SLC4A4: variants seen among roughly 807,000 people sequenced by gnomAD.
The protein encoded by SLC4A4 is solute carrier family 4 member 4.
A neutral mutation model predicts 111.5 loss-of-function variants in SLC4A4; 27 were observed. The ratio of observed to expected loss-of-function variants is 0.24; its 90% CI spans 0.18 to 0.33. The LOEUF is 0.33. Among genes scored for constraint, SLC4A4 ranks in the 10% least tolerant of loss-of-function variants. The pLI, the probability that SLC4A4 is intolerant of heterozygous loss-of-function variation, is 1.00. For synonymous variants in SLC4A4, 443 were observed against 463.4 expected, an observed-to-expected ratio of 0.96 and a Z score of 0.57; for missense variants, 909 against 1,315.5, an observed-to-expected ratio of 0.69 and a Z score of 4.78.
intron 7 of SLC4A4, among the ~76,000 whole-genome samples, chr4:71,427,902 A>G (rs1274894195): frequency 1.3e-5 from 2 of 152,168 alleles, no homozygotes; most frequent in East Asian, 3.8e-4. Flanking sequence ...GAGTAAACTT[A>G]TCTAACCAGC....
At chr4:71,292,847 T>G (rs1017508861) in intron 3 of SLC4A4, among the ~76,000 whole-genome samples, 9 of 143,094 alleles carry the variant, frequency 6.3e-5, no homozygotes, top group Non-Finnish European at 1.4e-4. Context: ...TTTTTGTTTT[T>G]TTTTTTTTTT....
At chr4:71,201,399 A>G (rs1350932320) in intron 1 of SLC4A4, among the ~76,000 whole-genome samples, 1 of 152,182 alleles carries the variant, frequency 6.6e-6, no homozygotes, top group African/African-American at 2.4e-5. Flanking sequence ...GGTAATTTCT[A>G]GAACAAGGTT....
intron 16 of SLC4A4, among the ~76,000 whole-genome samples, chr4:71,503,339 T>A (rs1731116066): frequency 6.6e-6 from 1 of 151,902 alleles, no homozygotes; most frequent in Admixed American, 6.6e-5. Flanking sequence ...AAGGACTTAC[T>A]CCTATCATTT....
rs146953145 is a variant in SLC4A4 at position 71,207,020 on chromosome 4, A to C, written c.-2+19619A>C. Among the ~76,000 whole-genome samples, 40 of 152,244 alleles carry C rather than the reference A, an allele frequency of 2.6e-4. 1 individual carries two copies. The East Asian group carries it at 7.1e-3, about 27-fold the overall frequency. ...ACATCCATGTGCTCCTCTTCTGTAA[A>C]ATAAGCATAATGGTACTAGTAATCT... On this transcript the variant is annotated intron_variant, in intron 1 of 25. Transcript: ENST00000264485.
intron 2 of SLC4A4, among the ~76,000 whole-genome samples, chr4:71,133,977 C>T (rs906833441): frequency 6.6e-6 from 1 of 152,148 alleles, no homozygotes; most frequent in Admixed American, 6.5e-5. Flanking sequence ...TAGGCCTTTA[C>T]TATGCTCCTG....
chr4:71,453,725 C>A, intron 12 of SLC4A4, 56 bp downstream of exon 12: 2 of 1,514,152 alleles, frequency 1.3e-6, no homozygotes, highest in Non-Finnish European at 1.8e-6. Flanking sequence ...CCTTCCTCAC[C>A]CCTACAGCTC....
chr4:71,154,163 A>C (rs766062704), intron 2 of SLC4A4, among the ~76,000 whole-genome samples: 1 of 152,184 alleles, frequency 6.6e-6, no homozygotes, highest in Non-Finnish European at 1.5e-5. Context: ...GCATTTGTTC[A>C]AGGAGCTTTG....
At position 71,558,863 on chromosome 4, in the gene SLC4A4, TA is replaced by T. The variant is rs540243901; in HGVS notation, c.2937+987del. Among the ~76,000 whole-genome samples, 570 of 151,176 alleles carry T rather than the reference TA, an allele frequency of 3.8e-3. 2 individuals carry two copies. Among genetic ancestry groups the T allele is most frequent in the African/African-American group, 0.013 (555 of 41,312 alleles). On this transcript the variant is annotated intron_variant, in intron 22 of 25. Transcript: ENST00000264485. ...GGCTTATGTCTTTCTTTCCTTTTTT[TA>T]AAAAAAAACTATATTAACTTACTGA...
At chr4:71,411,832 A>G (rs1208702526) in intron 7 of SLC4A4, among the ~76,000 whole-genome samples, 2 of 152,194 alleles carry the variant, frequency 1.3e-5, no homozygotes, top group Admixed American at 6.5e-5. Context: ...TGTGGCATCT[A>G]TAGGGCCTAG....
rs756628863 is a variant in SLC4A4 at position 71,079,964 on chromosome 4, C to T, written c.-64-12766C>T. Among the ~76,000 whole-genome samples, 14 of 151,952 alleles carry T rather than the reference C, an allele frequency of 9.2e-5. 1 individual carries two copies. The highest frequency in any genetic ancestry group is 2.4e-4 in the African/African-American group (10 of 41,284). ...CTGTGTCCCCCACAACAGAGAAATG[C>T]GGGCAAGCAGTTCTCCTGCCCGTGT... On this transcript the variant is annotated intron_variant, in intron 1 of 26. Transcript: ENST00000649996.
At chr4:71,224,231 A>T (rs28544422) in intron 1 of SLC4A4, among the ~76,000 whole-genome samples, 1 of 152,124 alleles carries the variant, frequency 6.6e-6, no homozygotes, top group Non-Finnish European at 1.5e-5. Context: ...CTCACAGCCC[A>T]TCTCATCCAC....
At chr4:71,100,172 A>G (rs1742682762) in intron 2 of SLC4A4, among the ~76,000 whole-genome samples, 3 of 152,148 alleles carry the variant, frequency 2.0e-5, no homozygotes. Flanking sequence ...TCAGACCAAT[A>G]TCCTTGATGA....
chr4:71,244,351 A>G (rs1303555292), intron 2 of SLC4A4, among the ~76,000 whole-genome samples: 1 of 152,166 alleles, frequency 6.6e-6, no homozygotes, highest in Non-Finnish European at 1.5e-5. Flanking sequence ...CCTTCATGCA[A>G]AGTGCAGTGA....
rs1365136336 is a variant in SLC4A4 at position 71,316,720 on chromosome 4, C to T, written c.254-22650C>T. 2.6e-5 allele frequency among the ~76,000 whole-genome samples: 4 copies of T among 152,128 alleles called. No individual in the cohort carries two copies. The East Asian group carries it at 5.8e-4, about 22-fold the overall frequency. ...GATGCTCTCCCTCCCCTCACCTCCACAGTCCCCAGTGTGTGTTGTTTCCTT... is the reference window on the plus strand; with the variant it reads ...GATGCTCTCCCTCCCCTCACCTCCATAGTCCCCAGTGTGTGTTGTTTCCTT... On this transcript the variant is annotated intron_variant, in intron 3 of 25. Coordinates refer to ENST00000264485, the MANE Select transcript of SLC4A4 (RefSeq NM_001098484.3).
chr4:71,534,316 G>A lies in SLC4A4; in HGVS notation c.2370G>A (p.Leu790=). Reference sequence around the variant, plus strand: ...TTGCTGCTGCTATCCCGGCTTTGTTGGTCACTATACTGATTTTCATGGACC... The same window carrying A: ...TTGCTGCTGCTATCCCGGCTTTGTTAGTCACTATACTGATTTTCATGGACC... ...VCLAAAIPAL[L]VTILIFMDQQ... Residue 790 remains leucine, a synonymous_variant, in exon 18 of 26, where the codon TTG becomes TTA. Coordinates refer to ENST00000264485, the MANE Select transcript of SLC4A4 (RefSeq NM_001098484.3). 1.2e-6 allele frequency: 2 copies of A among 1,613,592 alleles called. No homozygotes were observed. The highest frequency in any genetic ancestry group is 1.7e-6 in the Non-Finnish European group (2 of 1,179,752).
rs748686762 is a variant in SLC4A4 at position 71,563,798 on chromosome 4, C to G, written c.3105C>G (p.Asp1035Glu). The G allele has an allele frequency of 6.3e-7, 1 of 1,599,098 alleles. No homozygotes were observed. Among genetic ancestry groups the G allele is most frequent in the Non-Finnish European group, 8.6e-7 (1 of 1,167,066 alleles). ...GSLDSDNDDS[D>E]CPYSEKVPSI... ...CTTGTACATTTTTTTCACAGTCTGA[C>G]TGCCCATACTCAGAAAAAGTTCCAA... Residue 1035 changes from aspartate to glutamate, a missense_variant, in exon 24 of 26, where the codon GAC (aspartate) becomes GAG (glutamate). Asp to Glu is a conservative substitution (Grantham distance 45). Around this residue, in one of 7 missense-constraint regions of SLC4A4, gnomAD observed 85 missense variants for 79.8 expected, o/e 1.07. Coordinates refer to ENST00000264485, the MANE Select transcript of SLC4A4 (RefSeq NM_001098484.3).
At chr4:71,175,775 C>G (rs1303057665) in intron 2 of SLC4A4, among the ~76,000 whole-genome samples, 1 of 152,212 alleles carries the variant, frequency 6.6e-6, no homozygotes, top group Non-Finnish European at 1.5e-5. Context: ...AAACAAAAGG[C>G]AGCAGAATCC....
intron 3 of SLC4A4, among the ~76,000 whole-genome samples, chr4:71,283,680 T>C (rs562543556): frequency 6.6e-6 from 1 of 152,344 alleles, no homozygotes; most frequent in African/African-American, 2.4e-5. Context: ...ATTAAGCATG[T>C]ATTGCTATTT....
At chr4:71,278,202 C>T (rs1723229659) in intron 3 of SLC4A4, among the ~76,000 whole-genome samples, 2 of 151,580 alleles carry the variant, frequency 1.3e-5, no homozygotes, top group African/African-American at 2.4e-5. Flanking sequence ...CAGTCTTTGT[C>T]TTTCTCTTTC....
Sources: gnomAD v4.1 joint callset for allele counts (sites outside exome capture counted in the v4.1 genomes callset) on GRCh38, gnomAD v4.1.1 for gene constraint, gnomAD v4.1.1 regional missense constraint, MANE v1.5 for transcripts, NCBI Gene and HGNC (gene_info 2026-07-23, HGNC 2026-07-21) for gene names.